Variants in ZC3HC1 observed in about 807,000 individuals in gnomAD.
ZC3HC1 encodes the protein zinc finger C3HC-type protein 1.
ZC3HC1 carries 38 observed loss-of-function variants against 61.9 expected under a neutral mutation model. The observed-to-expected ratio is 0.61, with a 90% CI of 0.47 to 0.81. The LOEUF (loss-of-function observed/expected upper bound fraction) is 0.81, where lower values mean the gene tolerates loss of function less well. ZC3HC1 is among the 30% of genes least tolerant of loss of function. ZC3HC1 has a pLI of 0.00. For missense variants in ZC3HC1, 554 were observed against 622.7 expected (o/e 0.89, Z 1.17); for synonymous variants, 213 against 229.9 (o/e 0.93, Z 0.67).
rs1483674357 is a variant in ZC3HC1, at chr7:130,039,377, T to C, written c.493+87A>G. The stretch of plus-strand genomic sequence containing the variant: ...AAAAAGAAAAGGAGAAAAAGAAAGT[T>C]CAAAGACTAGGTTTTCACAAACAGA... On this transcript the variant is annotated intron_variant, in intron 4 of 9. Coordinates refer to ENST00000358303, the MANE Select transcript of ZC3HC1 (RefSeq NM_016478.5). The C allele has an allele frequency of 3.6e-6, 4 of 1,115,990 alleles. No individual in the cohort carries two copies. The South Asian group carries it at 5.8e-5, about 16-fold the overall frequency. 69.1% of individuals were successfully genotyped at this position (1,115,990 alleles called of 1,614,324 possible).
At chr7:130,033,163 G>T (rs1264085946) in intron 4 of ZC3HC1, among the ~76,000 whole-genome samples, 1 of 152,100 alleles carries the variant, frequency 6.6e-6, no homozygotes, top group Admixed American at 6.6e-5. Context: ...TTCCCGAGTA[G>T]CTGGGAACAC....
chr7:130,020,025 C>G (rs1236043895), intron 9 of ZC3HC1, among the ~76,000 whole-genome samples: 1 of 151,714 alleles, frequency 6.6e-6, no homozygotes, highest in African/African-American at 2.4e-5. Flanking sequence ...CCATGTTGGC[C>G]AGGATGGTCT....
In ZC3HC1 at chr7:130,018,688, C is replaced by T. The variant is rs1793480200; in HGVS notation, c.1485G>A (p.Gln495=). The change falls in exon 10 of 10, where the codon CAG becomes CAA. Residue 495 remains glutamine (Q), a synonymous_variant. Coordinates refer to ENST00000358303, the MANE Select transcript of ZC3HC1 (RefSeq NM_016478.5). The part of the protein sequence containing the change: ...KSRKVFRIFR[Q]WESLCSC ...TTCAGCATGAGCACAGAGATTCCCA[C>T]TGCCGAAATATTCGGAATACTTTCC... 1 of 1,612,718 alleles carries T rather than the reference C, an allele frequency of 6.2e-7. No individual in the cohort carries two copies. Among genetic ancestry groups the T allele is most frequent in the South Asian group, 1.1e-5 (1 of 90,954 alleles).
chr7:130,031,708 T>C (rs1262367688), intron 4 of ZC3HC1, among the ~76,000 whole-genome samples: 2 of 152,150 alleles, frequency 1.3e-5, no homozygotes, highest in Admixed American at 6.5e-5. Flanking sequence ...GGTATAGAGC[T>C]ATACACATGC....
At chr7:130,040,018 C>A (rs922741842) in intron 3 of ZC3HC1, among the ~76,000 whole-genome samples, 1 of 151,444 alleles carries the variant, frequency 6.6e-6, no homozygotes, top group Non-Finnish European at 1.5e-5. Context: ...CTGCGCCCGG[C>A]CCCCATGTAT....
At position 130,042,091 on chromosome 7, in the gene ZC3HC1, T is replaced by C. The variant is rs150417063; in HGVS notation, c.259-990A>G. The stretch of plus-strand genomic sequence containing the variant: ...GCTGAAGCGGGAGGATCACTTGAGC[T>C]CAGGAGTTGAAGATCAGCCTGGGCA... On this transcript the variant is annotated intron_variant, in intron 2 of 9. Coordinates refer to ENST00000358303, the MANE Select transcript of ZC3HC1 (RefSeq NM_016478.5). Among the ~76,000 whole-genome samples, 1,455 of 152,124 alleles carry C rather than the reference T, an allele frequency of 9.6e-3. 26 individuals are homozygous for C. Among genetic ancestry groups the C allele is most frequent in the African/African-American group, 0.034 (1,403 of 41,512 alleles).
chr7:130,040,808 CAAAA>C (rs34942899), intron 3 of ZC3HC1, 139 bp downstream of exon 3: 511 of 629,108 alleles, frequency 8.1e-4, no homozygotes, highest in South Asian at 1.0e-3. Context: ...GACCCCATCT[CAAAA>C]AAAAAAAAAA....
chr7:130,022,632 C>T (rs905064884), intron 8 of ZC3HC1, 107 bp from the exon 9 acceptor site: 14 of 1,183,194 alleles, frequency 1.2e-5, no homozygotes, highest in East Asian at 5.0e-5. Context: ...ACCCATACTT[C>T]GAGTGTTTAT....
At chr7:130,025,870 C>CAAAAAAAA (rs71175064) in intron 6 of ZC3HC1, among the ~76,000 whole-genome samples, 3 of 58,570 alleles carry the variant, frequency 5.1e-5, no homozygotes, top group African/African-American at 7.7e-5. Context: ...GACTCCGTCT[C>CAAAAAAAA]AAAAAAAAAA....
At position 130,040,964 on chromosome 7, in the gene ZC3HC1, A is replaced by G. The variant is rs1379240485; in HGVS notation, c.396T>C (p.Phe132=). 3 of 1,612,834 alleles carry G rather than the reference A, an allele frequency of 1.9e-6. No homozygotes were observed. The Admixed American group carries it at 5.0e-5, about 27-fold the overall frequency. The stretch of plus-strand genomic sequence containing the variant: ...CCTTATACTTACATCTGTCAAAGTC[A>G]AAAGCTGGTTGTAAACTGGCACAGA... ...AFLCASLQPA[F]DFDRYKQRCA... is the part of the protein sequence containing the mutation. Residue 132 remains phenylalanine, a synonymous_variant, in exon 3 of 10, where the codon TTT becomes TTC. Coordinates refer to ENST00000358303, the MANE Select transcript of ZC3HC1 (RefSeq NM_016478.5).
In ZC3HC1 at chr7:130,049,142, T is replaced by A; in HGVS notation, c.149A>T (p.Lys50Met). The change falls in exon 2 of 10, where the codon AAG (lysine) becomes ATG (methionine). Residue 50 changes from lysine (K) to methionine (M), a missense_variant and splice_region_variant. Transcript: ENST00000358303. ...IAPEEGGVDA[K>M]DTSATSQSVN... ...TGACTGGGATGTGGCAGACGTGTCC[T>A]TCCTAATATAAAGTGGCAAAACTGT... 6.3e-7 allele frequency: 1 copy of A among 1,591,132 alleles called. No homozygotes were observed. The highest frequency in any genetic ancestry group is 8.5e-7 in the Non-Finnish European group (1 of 1,169,992).
chr7:130,028,198 A>G lies in ZC3HC1; in HGVS notation c.621+704T>C, dbSNP rs1013475370. On this transcript the variant is annotated intron_variant, in intron 5 of 9. Transcript: ENST00000358303. ...AAAAAAAAAAAAAAAAAAAAAAAAA[A>G]AAGATATGCAATAAACCATATGCAG... Among the ~76,000 whole-genome samples the G allele has an allele frequency of 9.0e-5, 11 of 122,196 alleles. 1 individual carries two copies. Among genetic ancestry groups the G allele is most frequent in the Non-Finnish European group, 1.6e-4 (9 of 57,804 alleles). The allele number at this position is 122,196 out of a possible 152,430, so 80.2% of individuals were successfully genotyped here.
chr7:130,034,589 G>A (rs1794357941), intron 4 of ZC3HC1, among the ~76,000 whole-genome samples: 3 of 151,444 alleles, frequency 2.0e-5, no homozygotes, highest in Admixed American at 2.0e-4. Flanking sequence ...GGAATTCCTG[G>A]GTTAAAGGGA....
chr7:130,049,832 G>T (rs1795006464), intron 1 of ZC3HC1, among the ~76,000 whole-genome samples: 2 of 151,766 alleles, frequency 1.3e-5, no homozygotes, highest in Admixed American at 1.3e-4. Context: ...TTACAGGCGT[G>T]AGCCACAGCG....
chr7:130,040,890 G>C (rs918011570), intron 3 of ZC3HC1, 61 bp downstream of exon 3: 2 of 1,419,518 alleles, frequency 1.4e-6, no homozygotes, highest in Non-Finnish European at 9.3e-7. Flanking sequence ...TCCCCCCCCA[G>C]AAAACCAGGA....
intron 2 of ZC3HC1, among the ~76,000 whole-genome samples, chr7:130,041,378 G>A (rs964785675): frequency 6.6e-6 from 1 of 151,790 alleles, no homozygotes; most frequent in Admixed American, 6.6e-5. Flanking sequence ...TGGTAGAGAT[G>A]GGGTTTCACC....
At chr7:130,046,244 T>C (rs1400926205) in intron 2 of ZC3HC1, among the ~76,000 whole-genome samples, 1 of 152,096 alleles carries the variant, frequency 6.6e-6, no homozygotes, top group Non-Finnish European at 1.5e-5. Flanking sequence ...TAAACCACCA[T>C]GGCACACGTT....
chr7:130,048,844 A>G (rs1244929319), intron 2 of ZC3HC1, 189 bp downstream of exon 2: 2 of 402,216 alleles, frequency 5.0e-6, no homozygotes, highest in African/African-American at 4.1e-5. Flanking sequence ...TTTCTTCTGT[A>G]AAAAGAAAAG....
intron 2 of ZC3HC1, among the ~76,000 whole-genome samples, chr7:130,041,517 ACTCAT>A (rs1294188611): frequency 7.3e-6 from 1 of 136,598 alleles, no homozygotes; most frequent in Non-Finnish European, 1.5e-5. Context: ...TACAATCTTA[ACTCAT>A]TCTTTTTTTT....
Sources: gnomAD v4.1 joint callset for allele counts (sites outside exome capture counted in the v4.1 genomes callset) on GRCh38, gnomAD v4.1.1 for gene constraint, MANE v1.5 for transcripts, NCBI Gene and HGNC (gene_info 2026-07-23, HGNC 2026-07-21) for gene names.